The following FN1 variants were observed in gnomAD, a reference collection of about 807,000 sequenced individuals.
The protein encoded by FN1 is fibronectin 1, also known as fibronectin.
Under a neutral mutation model 297.3 loss-of-function variants are expected in FN1, and 106 were observed. The observed-to-expected ratio is 0.36, with a 90% CI of 0.30 to 0.42. FN1 has a LOEUF of 0.42. FN1 is among the 10% of genes least tolerant of loss of function. The probability of loss-of-function intolerance (pLI) is 1.00; values close to 1 mark genes in which losing one functional copy is unlikely to be tolerated. For synonymous variants in FN1, 1,149 were observed against 1,152.6 expected (o/e 1.00, Z 0.06); for missense variants, 2,690 against 3,124.9 (o/e 0.86, Z 3.32).
At chr2:215,404,712 C>G (rs1470222529) in intron 19 of FN1, 57 bp from the exon 20 acceptor site, 3 of 1,497,844 alleles carry the variant, frequency 2.0e-6, no homozygotes, top group Non-Finnish European at 2.8e-6. Flanking sequence ...GATCATAACT[C>G]AAGTCCTGAA....
Position 215,362,059 on chromosome 2 carries a change from G to A in FN1, c.7272C>T (p.Cys2424=). The A allele has an allele frequency of 6.2e-7, 1 of 1,614,052 alleles. No individual in the cohort carries two copies. Among genetic ancestry groups the A allele is most frequent in the Non-Finnish European group, 8.5e-7 (1 of 1,179,924 alleles). Residue 2424 remains cysteine, a synonymous_variant, in exon 45 of 46, where the codon TGC becomes TGT. Coordinates refer to ENST00000354785, the MANE Select transcript of FN1 (RefSeq NM_212482.4). ...GGQRGWRCDN[C]RRPGGEPSPE... ...GACTGGGTTCACCCCCAGGTCTGCG[G>A]CAGTTGTCACAGCGCCAGCCCTGAG...
intron 15 of FN1, among the ~76,000 whole-genome samples, chr2:215,408,663 G>GT (rs2062129117): frequency 6.6e-6 from 1 of 152,090 alleles, no homozygotes; most frequent in African/African-American, 2.4e-5. Flanking sequence ...TACCTTTCCG[G>GT]TTCAAGCAAT....
chr2:215,394,342 G>A (rs2060055052), intron 24 of FN1, among the ~76,000 whole-genome samples, 186 bp downstream of exon 24: 1 of 152,228 alleles, frequency 6.6e-6, no homozygotes, highest in Admixed American at 6.5e-5. Context: ...AGACAGTAAA[G>A]CAGTGTTAAC....
At position 215,397,128 on chromosome 2, in the gene FN1, C is replaced by G; in HGVS notation, c.3604+9G>C. On this transcript the variant is annotated intron_variant, in intron 23 of 45. Transcript: ENST00000354785. ...TGTATACTTGCCCTCTGATCCATCC[C>G]AAACTTACCTGGGGTGGTGCTCCTC... 6.2e-7 allele frequency: 1 copy of G among 1,603,214 alleles called. No individual in the cohort carries two copies. The highest frequency in any genetic ancestry group is 8.5e-7 in the Non-Finnish European group (1 of 1,170,040).
chr2:215,410,777 G>A (rs1042716899), intron 13 of FN1, among the ~76,000 whole-genome samples: 11 of 152,164 alleles, frequency 7.2e-5, no homozygotes, highest in African/African-American at 2.7e-4. Context: ...AAAGTGCTGG[G>A]ATTACAAGCG....
rs1374058503 is a variant in FN1 at position 215,378,236 on chromosome 2, G to C, written c.5649C>G (p.Val1883=). The change falls in exon 35 of 46, where the codon GTC becomes GTG. Residue 1883 remains valine (V), a synonymous_variant. Transcript: ENST00000354785. ...LMVATKYEVS[V]YALKDTLTSR... ...TTGTCAAAGTGTCCTTAAGAGCATA[G>C]ACACTCACTTCATATTTGGTGGCCA... The C allele has an allele frequency of 4.3e-6, 7 of 1,611,820 alleles. No individual in the cohort carries two copies. In the Admixed American group the frequency reaches 1.2e-4, roughly 27 times the overall value.
At chr2:215,410,278 T>C (rs1321680879) in intron 13 of FN1, among the ~76,000 whole-genome samples, 164 bp from the exon 14 acceptor site, 2 of 152,160 alleles carry the variant, frequency 1.3e-5, no homozygotes, top group Non-Finnish European at 2.9e-5. Flanking sequence ...AATGGTTATA[T>C]CGTTAGATAT....
intron 23 of FN1, among the ~76,000 whole-genome samples, chr2:215,396,846 G>C (rs777091428): frequency 6.6e-6 from 1 of 152,118 alleles, no homozygotes; most frequent in African/African-American, 2.4e-5. Flanking sequence ...AATGCACTCA[G>C]CAAAAGCCAC....
At chr2:215,432,284 T>G (rs934758972) in intron 3 of FN1, among the ~76,000 whole-genome samples, 2 of 152,102 alleles carry the variant, frequency 1.3e-5, no homozygotes, top group Non-Finnish European at 2.9e-5. Context: ...TCTTCACTCA[T>G]ACACAGCAGG....
Position 215,371,916 on chromosome 2 carries a change from G to A in FN1, c.6707C>T (p.Pro2236Leu), listed in dbSNP as rs144536753. The change falls in exon 40 of 46, where the codon CCC (proline) becomes CTC (leucine). Residue 2236 changes from proline to leucine, a missense_variant. Physicochemically the swap from Pro to Leu is moderately conservative, Grantham distance 98 (BLOSUM62 -3). Coordinates refer to ENST00000354785, the MANE Select transcript of FN1 (RefSeq NM_212482.4). ...SCHPVGTDEE[P>L]LQFRVPGTST... ...AAGAGAACAATTAATTACCTGTAAG[G>A]GTTCTTCATCAGTGCCAACAGGATG... The A allele has an allele frequency of 4.3e-6, 7 of 1,611,828 alleles. No individual in the cohort carries two copies. Among genetic ancestry groups the A allele is most frequent in the South Asian group, 3.3e-5 (3 of 91,042 alleles).
rs372040503 is a variant in FN1 at position 215,406,257 on chromosome 2, C to G, written c.2967G>C (p.Leu989=). Residue 989 remains leucine (L), a synonymous_variant, in exon 19 of 46, where the codon CTG becomes CTC. Transcript: ENST00000354785. The stretch of plus-strand genomic sequence containing the variant: ...ACATACTGGTTGTCTGTTGAGCAGT[C>G]AGAGGCTTGCTCTCCCTCCCATGGC... The part of the protein sequence containing the change: ...AVSHGRESKP[L]TAQQTTKLDA... The G allele has an allele frequency of 1.9e-5, 30 of 1,614,150 alleles. No homozygotes were observed. In the African/African-American group the frequency reaches 3.9e-4, roughly 21 times the overall value.
At chr2:215,412,760 C>CTTTTTTTTTTTTTTTTT (rs10524797) in intron 13 of FN1, among the ~76,000 whole-genome samples, 3 of 97,566 alleles carry the variant, frequency 3.1e-5, no homozygotes, top group Admixed American at 9.7e-5. Context: ...TATTAAGTAT[C>CTTTTTTTTTTTTTTTTT]TTTTTTTTTT....
rs2067412912 is a variant in FN1, at chr2:215,435,987, G to A, written c.-185C>T. 3.0e-6 allele frequency: 4 copies of A among 1,331,720 alleles called. No individual in the cohort carries two copies. The highest frequency in any genetic ancestry group is 1.5e-5 in the African/African-American group (1 of 67,788). The allele number at this position is 1,331,720 out of a possible 1,614,324, so 82.5% of individuals were successfully genotyped here. A position where few individuals can be genotyped will look rare whatever the true frequency, so the allele number is the denominator to read the frequency against. ...GACAGAAGGGATGCAGAGGACCAGA[G>A]AAGTTGTGGCTGCAGGTCCCCTCTT... is the stretch of plus-strand genomic sequence containing the variant. On this transcript the variant is annotated 5_prime_UTR_variant, in exon 1 of 46. Coordinates refer to ENST00000354785, the MANE Select transcript of FN1 (RefSeq NM_212482.4).
intron 30 of FN1, 52 bp downstream of exon 30, chr2:215,383,968 A>G (rs955768331): frequency 6.3e-7 from 1 of 1,581,420 alleles, no homozygotes; most frequent in South Asian, 1.1e-5. Context: ...ACATTGCAAA[A>G]CAGTATCTGA....
At chr2:215,414,020 A>G (rs1342417433) in intron 13 of FN1, among the ~76,000 whole-genome samples, 2 of 152,198 alleles carry the variant, frequency 1.3e-5, no homozygotes. Context: ...TTTTTCCTGA[A>G]GAGTTTAAAT....
At chr2:215,425,716 C>G (rs367666401) in intron 6 of FN1, among the ~76,000 whole-genome samples, 2 of 151,988 alleles carry the variant, frequency 1.3e-5, no homozygotes, top group Admixed American at 1.3e-4. Context: ...CCATGCCCAG[C>G]TGATTTTTTT....
At position 215,386,708 on chromosome 2, in the gene FN1, C is replaced by A; in HGVS notation, c.4593G>T (p.Leu1531Phe). The change falls in exon 28 of 46, where the codon TTG (leucine) becomes TTT (phenylalanine). Residue 1531 changes from leucine (L) to phenylalanine (F), a missense_variant. This residue lies in a region of FN1 where 1,743 missense variants were observed against 1,945.2 expected (regional missense o/e 0.90). Transcript: ENST00000354785. ...AGTTACCTGTTGATTGTTGGCCAAT[C>A]AATAAGGGACTTTCCTCTCTGCCAT... ...ALNGREESPL[L>F]IGQQSTVSDV... The A allele has an allele frequency of 6.2e-7, 1 of 1,610,808 alleles. No individual in the cohort carries two copies. The highest frequency in any genetic ancestry group is 8.5e-7 in the Non-Finnish European group (1 of 1,179,056).
In FN1 at chr2:215,381,011, C is replaced by A; in HGVS notation, c.5234G>T (p.Ser1745Ile). 6.2e-7 allele frequency: 1 copy of A among 1,614,234 alleles called. No homozygotes were observed. Among genetic ancestry groups the A allele is most frequent in the Non-Finnish European group, 8.5e-7 (1 of 1,180,042 alleles). ...GTACCTGGAAACTTGCCCCTGTGGG[C>A]TTTCCCAAGCAATTTTGATGGAATC... The part of the protein sequence containing the change: ...DVDSIKIAWE[S>I]PQGQVSRYRV... Residue 1745 changes from serine to isoleucine, a missense_variant, in exon 33 of 46, where the codon AGC (serine) becomes ATC (isoleucine). This residue lies in a region of FN1 where 1,743 missense variants were observed against 1,945.2 expected (regional missense o/e 0.90). Transcript: ENST00000354785.
At chr2:215,390,046 C>T (rs1034401180) in intron 26 of FN1, among the ~76,000 whole-genome samples, 3 of 152,180 alleles carry the variant, frequency 2.0e-5, no homozygotes, top group South Asian at 4.1e-4. Flanking sequence ...TGCCCTTCAG[C>T]GTTTCTATAA....
Sources: gnomAD v4.1 joint callset for allele counts (sites outside exome capture counted in the v4.1 genomes callset) on GRCh38, gnomAD v4.1.1 for gene constraint, gnomAD v4.1.1 regional missense constraint, MANE v1.5 for transcripts, NCBI Gene and HGNC (gene_info 2026-07-23, HGNC 2026-07-21) for gene names.